Variants in KIF13A observed in about 807,000 individuals in gnomAD.
KIF13A encodes the protein kinesin-like protein KIF13A.
Under a neutral mutation model 212.2 loss-of-function variants are expected in KIF13A, and 79 were observed. That is an observed-to-expected ratio of 0.37 (90% CI 0.31 to 0.45). The LOEUF is 0.45. Ranked by LOEUF, KIF13A falls within the 20% of genes least tolerant of loss-of-function variation. KIF13A has a pLI of 1.00. For synonymous variants in KIF13A, 789 were observed against 808.6 expected, an observed-to-expected ratio of 0.98 and a Z score of 0.41; for missense variants, 1,901 against 2,209.0, an observed-to-expected ratio of 0.86 and a Z score of 2.79.
intron 22 of KIF13A, 89 bp from the exon 23 acceptor site, chr6:17,796,909 G>C (rs1762083046): frequency 2.6e-6 from 2 of 778,248 alleles, no homozygotes; most frequent in Non-Finnish European, 3.7e-6. Context: ...ATTTATTTTA[G>C]AGTATATTAG....
chr6:17,868,020 T>TG (rs1769585530), intron 4 of KIF13A, among the ~76,000 whole-genome samples: 1 of 152,178 alleles, frequency 6.6e-6, no homozygotes. Flanking sequence ...GCTAGCAGAA[T>TG]AAGAGGCAGA....
rs1011804297 is a variant in KIF13A at position 17,984,517 on chromosome 6, T to C, written c.146+2537A>G. 4.1e-6 allele frequency: 4 copies of C among 985,064 alleles called. No homozygotes were observed. In the African/African-American group the frequency reaches 7.0e-5, roughly 17 times the overall value. 61.0% of individuals were successfully genotyped at this position (985,064 alleles called of 1,614,324 possible). ...TAACCTCAGAGATCCTCTGATCTTTTAGTCCTAGCTACACAGTCTTGGCTT... is the reference window on the plus strand; with the variant it reads ...TAACCTCAGAGATCCTCTGATCTTTCAGTCCTAGCTACACAGTCTTGGCTT... On this transcript the variant is annotated intron_variant, in intron 2 of 38. Coordinates refer to ENST00000259711, the MANE Select transcript of KIF13A (RefSeq NM_022113.6). The surrounding 1 kb of genome is among the most constrained non-coding windows in gnomAD (Gnocchi z 5.0).
chr6:17,796,619 T>A (rs1193427868), intron 23 of KIF13A, 50 bp downstream of exon 23: 2 of 1,269,528 alleles, frequency 1.6e-6, no homozygotes, highest in East Asian at 5.6e-5. Flanking sequence ...GAGACTCTGC[T>A]CAAGTCCTAG....
chr6:17,882,730 T>C (rs1771190929), intron 3 of KIF13A, among the ~76,000 whole-genome samples: 1 of 152,050 alleles, frequency 6.6e-6, no homozygotes, highest in Non-Finnish European at 1.5e-5. Context: ...CCTGGCTAAT[T>C]TTTGTATTTT....
At chr6:17,766,219 G>GATAGATTTATTTATTT (rs1554158979) in intron 38 of KIF13A, among the ~76,000 whole-genome samples, 1 of 144,656 alleles carries the variant, frequency 6.9e-6, no homozygotes, top group Non-Finnish European at 1.5e-5. Flanking sequence ...TTATTTTTAA[G>GATAGATTTATTTATTT]ATTTATTTAT....
At position 17,783,720 on chromosome 6, in the gene KIF13A, T is replaced by C; in HGVS notation, c.3489-19A>G. 6.7e-7 allele frequency: 1 copy of C among 1,484,936 alleles called. No individual in the cohort carries two copies. The allele number at this position is 1,484,936 out of a possible 1,614,324, so 92.0% of individuals were successfully genotyped here. ...TGGGATCCTAAATTTAATAACAACATTTAATCATAACAAAATATGTATTTT... is the reference window on the plus strand; with the variant it reads ...TGGGATCCTAAATTTAATAACAACACTTAATCATAACAAAATATGTATTTT... On this transcript the variant is annotated intron_variant, in intron 28 of 38. Coordinates refer to ENST00000259711, the MANE Select transcript of KIF13A (RefSeq NM_022113.6). This position sits in a 1 kb window ranked among gnomAD's most constrained non-coding sequence, Gnocchi z 4.3.
In KIF13A at chr6:17,777,428, G is replaced by A. The variant is rs1760097529; in HGVS notation, c.4093-74C>T. 3.2e-6 allele frequency: 4 copies of A among 1,244,050 alleles called. No individual in the cohort carries two copies. In the East Asian group the frequency reaches 1.0e-4, roughly 32 times the overall value. 77.1% of individuals were successfully genotyped at this position (1,244,050 alleles called of 1,614,324 possible). On this transcript the variant is annotated intron_variant, in intron 33 of 38. Transcript: ENST00000259711. The surrounding 1 kb of genome is among the most constrained non-coding windows in gnomAD (Gnocchi z 4.4). ...AGACAGAGTCTCACTCTGTTGCCCA[G>A]GCTGGAGTGTAGTGATGCGATCTCT... is the stretch of plus-strand genomic sequence containing the variant.
At chr6:17,864,567 C>T (rs902760439) in intron 4 of KIF13A, among the ~76,000 whole-genome samples, 7 of 152,328 alleles carry the variant, frequency 4.6e-5, no homozygotes, top group East Asian at 1.9e-4. Flanking sequence ...TAGCTCACTA[C>T]AGCCTCTAAC....
At chr6:17,869,709 T>C (rs1027571804) in intron 4 of KIF13A, among the ~76,000 whole-genome samples, 3 of 152,220 alleles carry the variant, frequency 2.0e-5, no homozygotes, top group Non-Finnish European at 4.4e-5. Flanking sequence ...TAGCTTTTAA[T>C]AAATAGCAAG....
chr6:17,803,032 C>T (rs1454957744), intron 20 of KIF13A, among the ~76,000 whole-genome samples: 1 of 150,944 alleles, frequency 6.6e-6, no homozygotes, highest in Non-Finnish European at 1.5e-5. Flanking sequence ...CTCCCGGGTT[C>T]AAGCGATTCT....
At chr6:17,937,512 A>G (rs752952242) in intron 2 of KIF13A, among the ~76,000 whole-genome samples, 4 of 152,238 alleles carry the variant, frequency 2.6e-5, no homozygotes, top group Non-Finnish European at 4.4e-5. Flanking sequence ...GTCTGGAAAA[A>G]GTTACAGAAG....
Position 17,968,634 on chromosome 6 carries a change from G to A in KIF13A, c.146+18420C>T, listed in dbSNP as rs1178669537. ...AGTGAACATTAAAAATGTGAACTTT[G>A]TCAAAGACTGGTGACCTCCTGGCTG... On this transcript the variant is annotated intron_variant, in intron 2 of 38. Transcript: ENST00000259711. The surrounding 1 kb of genome is among the most constrained non-coding windows in gnomAD (Gnocchi z 4.7). Among the ~76,000 whole-genome samples, 1 of 152,206 alleles carries A rather than the reference G, an allele frequency of 6.6e-6. No individual in the cohort carries two copies.
At chr6:17,956,078 A>C (rs895918360) in intron 2 of KIF13A, among the ~76,000 whole-genome samples, 21 of 152,344 alleles carry the variant, frequency 1.4e-4, no homozygotes, top group African/African-American at 5.1e-4. Flanking sequence ...CAACGGACTT[A>C]GGTTCACAGT....
rs1759663583 is a variant in KIF13A at position 17,773,419 on chromosome 6, T to C, written c.4324+59A>G. On this transcript the variant is annotated intron_variant, in intron 36 of 38. Transcript: ENST00000259711. This position sits in a 1 kb window ranked among gnomAD's most constrained non-coding sequence, Gnocchi z 4.2. ...ATATGCCATTAATGAAAGACATTTTTTCATACTTTTTCTAAGTAATTACAA... is the reference window on the plus strand; with the variant it reads ...ATATGCCATTAATGAAAGACATTTTCTCATACTTTTTCTAAGTAATTACAA... The C allele has an allele frequency of 3.1e-6, 3 of 983,118 alleles. No homozygotes were observed. Among genetic ancestry groups the C allele is most frequent in the Non-Finnish European group, 3.2e-6 (2 of 622,072 alleles). 60.9% of individuals were successfully genotyped at this position (983,118 alleles called of 1,614,324 possible).
chr6:17,927,077 T>C (rs1292751442), intron 2 of KIF13A, among the ~76,000 whole-genome samples: 5 of 151,458 alleles, frequency 3.3e-5, no homozygotes, highest in African/African-American at 1.2e-4. Context: ...GAGACAGGGG[T>C]TGCAGTGAGC....
chr6:17,796,984 T>TAG (rs1331956697), intron 22 of KIF13A, among the ~76,000 whole-genome samples, 164 bp from the exon 23 acceptor site: 1 of 152,148 alleles, frequency 6.6e-6, no homozygotes, highest in East Asian at 1.9e-4. Flanking sequence ...CACAGAATGT[T>TAG]AGATCTGGAA....
At chr6:17,975,516 G>A (rs947358329) in intron 2 of KIF13A, among the ~76,000 whole-genome samples, 2 of 152,148 alleles carry the variant, frequency 1.3e-5, no homozygotes, top group Non-Finnish European at 1.5e-5. Context: ...CAAAAAGGGA[G>A]CAGCAACATA....
Position 17,771,118 on chromosome 6 carries a change from T to C in KIF13A, c.4577A>G (p.Lys1526Arg), listed in dbSNP as rs984023682. ...PVEHNSKREK[K>R]IDSEEEENEL... Reference sequence around the variant, plus strand: ...AGAAATGGTTCCGGAACTTACAATCTTCTTCTCACGTTTGCTATTGTGTTC... The same window carrying C: ...AGAAATGGTTCCGGAACTTACAATCCTCTTCTCACGTTTGCTATTGTGTTC... Residue 1526 changes from lysine to arginine, a missense_variant, in exon 38 of 39, where the codon AAG (lysine) becomes AGG (arginine). Physicochemically the swap from Lys to Arg is conservative, Grantham distance 26 (BLOSUM62 2). Coordinates refer to ENST00000259711, the MANE Select transcript of KIF13A (RefSeq NM_022113.6). The surrounding 1 kb of genome is among the most constrained non-coding windows in gnomAD (Gnocchi z 5.4). 6.2e-7 allele frequency: 1 copy of C among 1,606,574 alleles called. No individual in the cohort carries two copies. The highest frequency in any genetic ancestry group is 1.3e-5 in the African/African-American group (1 of 74,788).
Position 17,851,996 on chromosome 6 carries a change from A to G in KIF13A, c.541T>C (p.Tyr181His). Residue 181 changes from tyrosine to histidine, a missense_variant, in exon 7 of 39, where the codon TAT becomes CAT. Coordinates refer to ENST00000259711, the MANE Select transcript of KIF13A (RefSeq NM_022113.6). ...GCTAGTTGAGATAAACCATCTACAT[A>G]TGGTCCCAAAACTTTATGTTCTCGA... ...KVREHKVLGPYVDGLSQLAVT... is the reference protein window; with the variant it reads ...KVREHKVLGPHVDGLSQLAVT... The G allele has an allele frequency of 6.4e-7, 1 of 1,558,600 alleles. No individual in the cohort carries two copies. Among genetic ancestry groups the G allele is most frequent in the South Asian group, 1.3e-5 (1 of 79,808 alleles).
Sources: allele counts gnomAD v4.1 joint callset (sites outside exome capture counted in the v4.1 genomes callset), GRCh38; gene constraint gnomAD v4.1.1; non-coding constraint Gnocchi (gnomAD v3.1); transcripts MANE v1.5; gene names NCBI Gene and HGNC (gene_info 2026-07-23, HGNC 2026-07-21).